The following SORCS1 variants were observed in gnomAD, a reference collection of about 807,000 sequenced individuals.
SORCS1 encodes the protein VPS10 domain-containing receptor SorCS1.
Under a neutral mutation model 146.1 loss-of-function variants are expected in SORCS1, and 60 were observed. The observed-to-expected ratio is 0.41, with a 90% CI of 0.33 to 0.51. SORCS1 has a LOEUF of 0.51. Among genes scored for constraint, SORCS1 ranks in the 20% least tolerant of loss-of-function variants. The probability of loss-of-function intolerance (pLI) is 0.21; values close to 1 mark genes in which losing one functional copy is unlikely to be tolerated. For missense variants in SORCS1, 1,352 were observed against 1,487.6 expected (o/e 0.91, Z 1.50); for synonymous variants, 637 against 584.0 (o/e 1.09, Z -1.31).
chr10:107,139,593 C>G (rs976644181), intron 1 of SORCS1, among the ~76,000 whole-genome samples: 1 of 152,092 alleles, frequency 6.6e-6, no homozygotes, highest in African/African-American at 2.4e-5. Context: ...TAGTCAGGCC[C>G]TGACACATAT....
At chr10:107,143,962 T>C (rs984952107) in intron 1 of SORCS1, among the ~76,000 whole-genome samples, 6 of 152,034 alleles carry the variant, frequency 3.9e-5, no homozygotes, top group African/African-American at 7.2e-5. Flanking sequence ...TGCAAGGCCC[T>C]TTTTTGTAAG....
chr10:106,924,840 A>C (rs543208552), intron 2 of SORCS1, among the ~76,000 whole-genome samples: 31 of 151,968 alleles, frequency 2.0e-4, no homozygotes, highest in South Asian at 8.3e-4. Flanking sequence ...AGAATGGACA[A>C]GCAAGATGTA....
intron 2 of SORCS1, among the ~76,000 whole-genome samples, chr10:106,937,972 GAAAAAAA>G (rs76116094): frequency 7.7e-6 from 1 of 129,174 alleles, no homozygotes; most frequent in Admixed American, 8.2e-5. Flanking sequence ...TCAAAAAGAA[GAAAAAAA>G]AAAAAAAAAA....
At chr10:107,077,619 C>T (rs138906505) in intron 1 of SORCS1, among the ~76,000 whole-genome samples, 1 of 150,598 alleles carries the variant, frequency 6.6e-6, no homozygotes, top group African/African-American at 2.4e-5. Flanking sequence ...TCATTTAACC[C>T]TCATAAGAAT....
the SORCS1 span, among the ~76,000 whole-genome samples, chr10:107,180,176 A>G: frequency 2.6e-5 from 4 of 152,098 alleles, no homozygotes; most frequent in African/African-American, 7.2e-5. Context: ...TTGGCCTCCC[A>G]AAGTGCTAGG....
chr10:107,133,320 C>G (rs576927326), intron 1 of SORCS1, among the ~76,000 whole-genome samples: 2 of 152,152 alleles, frequency 1.3e-5, no homozygotes, highest in South Asian at 2.1e-4. Flanking sequence ...TTCCAGTGAG[C>G]TAATCTTTTG....
At chr10:106,591,989 CT>C (rs1465407802) in intron 24 of SORCS1, among the ~76,000 whole-genome samples, 1 of 152,186 alleles carries the variant, frequency 6.6e-6, no homozygotes, top group African/African-American at 2.4e-5. Context: ...CCTTTTCCAA[CT>C]CTTTGTATTG....
intron 6 of SORCS1, among the ~76,000 whole-genome samples, chr10:106,723,620 C>T (rs569326810): frequency 5.3e-5 from 8 of 152,312 alleles, no homozygotes; most frequent in African/African-American, 1.9e-4. Context: ...TAAAGAATAA[C>T]ATCCTTGTCA....
At chr10:107,009,623 C>T (rs986820015) in intron 1 of SORCS1, among the ~76,000 whole-genome samples, 1 of 152,114 alleles carries the variant, frequency 6.6e-6, no homozygotes, top group Non-Finnish European at 1.5e-5. Context: ...ACATATAAAG[C>T]AAATAAATTC....
chr10:106,844,670 C>A (rs1262796771), intron 2 of SORCS1, among the ~76,000 whole-genome samples: 1 of 147,408 alleles, frequency 6.8e-6, no homozygotes, highest in Non-Finnish European at 1.5e-5. Context: ...CATGCTGGTG[C>A]GCTGCACCCA....
chr10:107,138,393 G>C (rs1967520507), intron 1 of SORCS1, among the ~76,000 whole-genome samples: 1 of 152,156 alleles, frequency 6.6e-6, no homozygotes, highest in Admixed American at 6.5e-5. Context: ...TGTCCAAAGA[G>C]AATGTGTTTT....
rs1854887556 is a variant in SORCS1 at position 106,710,406 on chromosome 10, C to T, written c.1025-1065G>A. 2.1e-5 allele frequency among the ~76,000 whole-genome samples: 3 copies of T among 143,626 alleles called. 1 individual carries two copies. The Middle Eastern group carries it at 0.011, about 536-fold the overall frequency. 94.2% of individuals were successfully genotyped at this position (143,626 alleles called of 152,430 possible). ...GAGGTTGCAGTGGGCCAAGATCACG[C>T]CACTGCACTCCAACCTGGGTGACAG... is the stretch of plus-strand genomic sequence containing the variant. On this transcript the variant is annotated intron_variant, in intron 6 of 25. Transcript: ENST00000263054.
chr10:106,907,697 A>C (rs974313522), intron 2 of SORCS1, among the ~76,000 whole-genome samples: 1 of 151,986 alleles, frequency 6.6e-6, no homozygotes, highest in Non-Finnish European at 1.5e-5. Context: ...GAGGCCGAGG[A>C]GGGTGGATCA....
chr10:106,989,104 C>T (rs930408839), intron 1 of SORCS1, among the ~76,000 whole-genome samples: 3 of 109,352 alleles, frequency 2.7e-5, no homozygotes, highest in African/African-American at 9.6e-5. Flanking sequence ...ACTAAAAATA[C>T]AAAAAAAAAA....
At chr10:107,071,216 G>T (rs546547939) in intron 1 of SORCS1, among the ~76,000 whole-genome samples, 9 of 152,128 alleles carry the variant, frequency 5.9e-5, no homozygotes, top group Admixed American at 3.9e-4. Flanking sequence ...AAAAATGCTG[G>T]TATTTTTTTA....
intron 1 of SORCS1, among the ~76,000 whole-genome samples, chr10:107,021,617 C>A (rs992794000): frequency 1.3e-5 from 2 of 151,132 alleles, no homozygotes; most frequent in East Asian, 2.0e-4. Context: ...TTCTTTGTGA[C>A]CTTCTTGATC....
At chr10:106,989,680 GTTTTTTTTTTTT>G (rs761689988) in intron 1 of SORCS1, among the ~76,000 whole-genome samples, 1 of 70,360 alleles carries the variant, frequency 1.4e-5, no homozygotes, top group African/African-American at 5.4e-5. Context: ...GTTTTTTTTT[GTTTTTTTTTTTT>G]TTTTTTTTTT....
chr10:106,635,170 A>C (rs547056868), intron 18 of SORCS1, among the ~76,000 whole-genome samples: 1 of 152,242 alleles, frequency 6.6e-6, no homozygotes, highest in Non-Finnish European at 1.5e-5. Flanking sequence ...TTCAGAGAAC[A>C]CTGGGACAAT....
At position 106,672,962 on chromosome 10, in the gene SORCS1, C is replaced by T. The variant is rs752678705; in HGVS notation, c.1964G>A (p.Arg655His). ...TACTTTGACCAGCTGCCATTCAGAG[C>T]GGTGGCTGAAGTGTCCAAACACTCT... ...IMTVFGHFSH[R>H]SEWQLVKVDY... The change falls in exon 15 of 26, where the codon CGC becomes CAC. Residue 655 changes from arginine to histidine, a missense_variant. By Grantham distance (29) the Arg-to-His change is conservative (BLOSUM62 0). This residue lies in a region of SORCS1 where 648 missense variants were observed against 793.8 expected (regional missense o/e 0.82). Transcript: ENST00000263054. The T allele has an allele frequency of 4.8e-5, 77 of 1,613,826 alleles. No homozygotes were observed. Among genetic ancestry groups the T allele is most frequent in the Non-Finnish European group, 5.5e-5 (65 of 1,179,966 alleles).
Sources: allele counts gnomAD v4.1 joint callset (sites outside exome capture counted in the v4.1 genomes callset), GRCh38; gene constraint gnomAD v4.1.1; regional missense constraint gnomAD v4.1.1; transcripts MANE v1.5; gene names NCBI Gene and HGNC (gene_info 2026-07-23, HGNC 2026-07-21).